Variants in NUP42 observed in about 807,000 individuals in gnomAD.
NUP42 encodes nucleoporin 42, also known as nucleoporin NUP42.
NUP42 carries 47 observed loss-of-function variants against 35.9 expected under a neutral mutation model. The observed-to-expected ratio is 1.31, with a 90% CI of 1.04 to 1.67. NUP42 has a LOEUF of 1.67. Ranked by LOEUF, NUP42 falls within the 40% of genes most tolerant of loss-of-function variation. The pLI is 0.00. For missense variants in NUP42, 514 were observed against 492.2 expected, an observed-to-expected ratio of 1.04 and a Z score of -0.42; for synonymous variants, 173 against 173.3, an observed-to-expected ratio of 1.00 and a Z score of 0.01.
intron 1 of NUP42, 104 bp downstream of exon 1, chr7:23,182,310 C>A: frequency 6.7e-7 from 1 of 1,499,256 alleles, no homozygotes; most frequent in South Asian, 1.3e-5. Context: ...CCAACGTGCC[C>A]GCGTCGCGGC....
chr7:23,182,758 A>G (rs1785456094), intron 1 of NUP42, among the ~76,000 whole-genome samples: 1 of 149,196 alleles, frequency 6.7e-6, no homozygotes, highest in Admixed American at 6.6e-5. Flanking sequence ...AAAAAAAAAA[A>G]AAAAAAATAG....
intron 3 of NUP42, among the ~76,000 whole-genome samples, chr7:23,193,395 A>G (rs963352465): frequency 1.3e-5 from 2 of 152,142 alleles, no homozygotes; most frequent in Non-Finnish European, 2.9e-5. Flanking sequence ...GTGCGTTTAC[A>G]ATCCCTGAGC....
intron 5 of NUP42, among the ~76,000 whole-genome samples, chr7:23,197,895 A>G (rs1786071901): frequency 6.6e-6 from 1 of 152,028 alleles, no homozygotes; most frequent in Admixed American, 6.5e-5. Context: ...TCTGGAAAAG[A>G]CAAGTCTCAT....
intron 3 of NUP42, among the ~76,000 whole-genome samples, chr7:23,191,142 G>T (rs559827468): frequency 2.0e-5 from 3 of 152,342 alleles, no homozygotes; most frequent in Admixed American, 6.5e-5. Context: ...ATTACTGGAG[G>T]AGAGTAAACA....
At chr7:23,199,636 C>A in intron 6 of NUP42, 94 bp downstream of exon 6, 1 of 1,055,946 alleles carries the variant, frequency 9.5e-7, no homozygotes, top group Non-Finnish European at 1.5e-6. Context: ...TTTAAATTAC[C>A]TTCGTAAATT....
chr7:23,200,801 A>T lies in NUP42; in HGVS notation c.*56A>T, dbSNP rs562923870. 3 of 1,152,998 alleles carry T rather than the reference A, an allele frequency of 2.6e-6. No homozygotes were observed. In the African/African-American group the frequency reaches 4.6e-5, roughly 18 times the overall value. 71.4% of individuals were successfully genotyped at this position (1,152,998 alleles called of 1,614,324 possible). A position where few individuals can be genotyped will look rare whatever the true frequency, so the allele number is the denominator to read the frequency against. On this transcript the variant is annotated 3_prime_UTR_variant, in exon 7 of 7. Coordinates refer to ENST00000258742, the MANE Select transcript of NUP42 (RefSeq NM_007342.3). ...TGTTTAAAATTGCTTTGAGTGATTC[A>T]TACAGAGATGTATATATGCATACAT...
intron 4 of NUP42, chr7:23,196,454 T>A (rs1786013898): frequency 4.2e-6 from 2 of 476,464 alleles, no homozygotes; most frequent in Non-Finnish European, 7.5e-6. Flanking sequence ...TGCCAGGTAC[T>A]TGTGATACTA....
chr7:23,196,572 T>C (rs1786017745), intron 4 of NUP42, 108 bp from the exon 5 acceptor site: 1 of 789,816 alleles, frequency 1.3e-6, no homozygotes, highest in Admixed American at 2.5e-5. Context: ...ATAAAACTGT[T>C]ACATAAACCT....
chr7:23,193,566 C>G lies in NUP42; in HGVS notation c.446-2273C>G, dbSNP rs915392397. ...GGTGCTGATTGGTGTGTTTACAAAC[C>G]TTGAGCTAGACACAGAGTGCTGATT... On this transcript the variant is annotated intron_variant, in intron 3 of 6. Transcript: ENST00000258742. Among the ~76,000 whole-genome samples, 4 of 152,194 alleles carry G rather than the reference C, an allele frequency of 2.6e-5. No individual in the cohort carries two copies. The South Asian group carries it at 8.3e-4, about 32-fold the overall frequency.
chr7:23,198,757 C>T (rs1418676187), intron 5 of NUP42, among the ~76,000 whole-genome samples: 6 of 152,002 alleles, frequency 3.9e-5, no homozygotes, highest in South Asian at 2.1e-4. Context: ...GGATCTACTT[C>T]GAGTATTAGA....
chr7:23,188,829 C>T (rs761577689), intron 3 of NUP42, among the ~76,000 whole-genome samples: 1 of 152,140 alleles, frequency 6.6e-6, no homozygotes, highest in Non-Finnish European at 1.5e-5. Context: ...GACATTTGCA[C>T]TGTTGGTGCA....
chr7:23,185,407 C>A, intron 2 of NUP42, 109 bp downstream of exon 2: 1 of 776,790 alleles, frequency 1.3e-6, no homozygotes, highest in Non-Finnish European at 2.0e-6. Flanking sequence ...ACAATATTTT[C>A]TTTAAAAAAA....
At chr7:23,182,608 T>A in intron 1 of NUP42, 1 of 716,344 alleles carries the variant, frequency 1.4e-6, no homozygotes, top group Non-Finnish European at 1.7e-6. Context: ...TGAAAAAATC[T>A]AATAAAACCG....
intron 1 of NUP42, 42 bp from the exon 2 acceptor site, chr7:23,185,028 A>T: frequency 6.6e-7 from 1 of 1,505,274 alleles, no homozygotes; most frequent in Non-Finnish European, 9.1e-7. Flanking sequence ...AATAGAAAGA[A>T]AAGTTGCTAG....
chr7:23,190,872 C>T (rs575217225), intron 3 of NUP42, among the ~76,000 whole-genome samples: 1 of 152,180 alleles, frequency 6.6e-6, no homozygotes, highest in South Asian at 2.1e-4. Context: ...TCACTCAAAT[C>T]ATTTTCTGTG....
chr7:23,182,294 G>A, intron 1 of NUP42, 88 bp downstream of exon 1: 2 of 1,523,956 alleles, frequency 1.3e-6, no homozygotes, highest in Non-Finnish European at 8.8e-7. Context: ...CCCGCTGCTG[G>A]TGACCCCAAC....
At chr7:23,192,272 G>T (rs572333008) in intron 3 of NUP42, among the ~76,000 whole-genome samples, 1 of 152,002 alleles carries the variant, frequency 6.6e-6, no homozygotes, top group Non-Finnish European at 1.5e-5. Context: ...CGGATCAGGC[G>T]CGGTGGCTCA....
intron 3 of NUP42, among the ~76,000 whole-genome samples, chr7:23,189,978 A>G (rs1421619077): frequency 6.6e-6 from 1 of 152,186 alleles, no homozygotes; most frequent in Non-Finnish European, 1.5e-5. Flanking sequence ...AGTTCTGCAT[A>G]ACTCAGTGAA....
intron 3 of NUP42, among the ~76,000 whole-genome samples, chr7:23,192,396 A>G (rs1177256114): frequency 6.6e-6 from 1 of 151,980 alleles, no homozygotes; most frequent in African/African-American, 2.4e-5. Flanking sequence ...ATACAAAAAA[A>G]ATTAGCCGGG....
Sources: gnomAD v4.1 joint callset for allele counts (sites outside exome capture counted in the v4.1 genomes callset) on GRCh38, gnomAD v4.1.1 for gene constraint, MANE v1.5 for transcripts, NCBI Gene and HGNC (gene_info 2026-07-23, HGNC 2026-07-21) for gene names.